Variants in ZNF571 observed in about 807,000 individuals in gnomAD.
ZNF571 encodes the protein zinc finger protein 571.
A neutral mutation model predicts 7.7 loss-of-function variants in ZNF571; 4 were observed. The observed-to-expected ratio is 0.52, with a 90% CI of 0.25 to 1.18. ZNF571 has a LOEUF of 1.18. Ranked by LOEUF, ZNF571 falls within the 50% of genes most tolerant of loss-of-function variation. The pLI is 0.14. For synonymous variants in ZNF571, 251 were observed against 232.4 expected, an observed-to-expected ratio of 1.08 and a Z score of -0.73; for missense variants, 704 against 726.9, an observed-to-expected ratio of 0.97 and a Z score of 0.36.
At chr19:37,589,864 CAAAAA>C (rs60136941) in intron 1 of ZNF571, among the ~76,000 whole-genome samples, 15 of 29,590 alleles carry the variant, frequency 5.1e-4, no homozygotes, top group African/African-American at 8.9e-4. Flanking sequence ...GACTCCATCT[CAAAAA>C]AAAAAAAAAA....
chr19:37,579,783 G>A (rs1055962770), intron 3 of ZNF571, among the ~76,000 whole-genome samples: 1 of 152,098 alleles, frequency 6.6e-6, no homozygotes, highest in Non-Finnish European at 1.5e-5. Context: ...CCCAGTACTA[G>A]CAACCAGCAT....
chr19:37,592,638 TCAG>T (rs1353914468), intron 1 of ZNF571, among the ~76,000 whole-genome samples: 1 of 152,164 alleles, frequency 6.6e-6, no homozygotes, highest in African/African-American at 2.4e-5. Context: ...AAGTGGGACA[TCAG>T]ACTGTAAGGG....
chr19:37,566,381 C>T (rs1414076461), intron 3 of ZNF571, 90 bp from the exon 4 acceptor site: 5 of 1,416,784 alleles, frequency 3.5e-6, no homozygotes, highest in African/African-American at 1.4e-5. Flanking sequence ...AAATAATTCT[C>T]ATTAAGAATA....
chr19:37,576,993 C>T (rs998563774), intron 3 of ZNF571, among the ~76,000 whole-genome samples: 1 of 152,192 alleles, frequency 6.6e-6, no homozygotes, highest in East Asian at 1.9e-4. Flanking sequence ...TCTGCAAAAC[C>T]TTAAAAGGTA....
chr19:37,583,843 T>C, intron 3 of ZNF571, 128 bp downstream of exon 3: 1 of 897,216 alleles, frequency 1.1e-6, no homozygotes, highest in East Asian at 2.5e-5. Context: ...AGGTACACGG[T>C]GGAGCTGTCC....
intron 3 of ZNF571, among the ~76,000 whole-genome samples, chr19:37,573,001 ATC>A: frequency 1.3e-5 from 2 of 152,334 alleles, no homozygotes; most frequent in East Asian, 3.8e-4. Flanking sequence ...AGCTTCTTTC[ATC>A]ACATGATTGA....
At chr19:37,588,589 C>A (rs1199369147) in intron 1 of ZNF571, among the ~76,000 whole-genome samples, 1 of 152,170 alleles carries the variant, frequency 6.6e-6, no homozygotes, top group East Asian at 1.9e-4. Context: ...AAGGAGCAAA[C>A]CTACCTACCT....
intron 3 of ZNF571, among the ~76,000 whole-genome samples, chr19:37,582,763 T>C (rs1310177377): frequency 6.6e-6 from 1 of 152,224 alleles, no homozygotes; most frequent in Non-Finnish European, 1.5e-5. Flanking sequence ...CTTCAAAATA[T>C]AGCCTGTTCT....
intron 2 of ZNF571, 83 bp downstream of exon 2, chr19:37,586,585 G>T: frequency 6.5e-7 from 1 of 1,543,836 alleles, no homozygotes; most frequent in Non-Finnish European, 8.9e-7. Flanking sequence ...ACCAAACAAG[G>T]CAGGAAATTC....
intron 3 of ZNF571, among the ~76,000 whole-genome samples, chr19:37,578,858 T>G (rs1484082780): frequency 6.6e-6 from 1 of 152,226 alleles, no homozygotes; most frequent in Non-Finnish European, 1.5e-5. Flanking sequence ...AGGTTCTGTG[T>G]TCCTCTGGGG....
chr19:37,591,241 G>A (rs1600543206), intron 1 of ZNF571, among the ~76,000 whole-genome samples: 1 of 152,324 alleles, frequency 6.6e-6, no homozygotes, highest in East Asian at 1.9e-4. Flanking sequence ...TCATTTCAGG[G>A]CTGGCACAGG....
At chr19:37,589,816 G>T (rs1252653846) in intron 1 of ZNF571, among the ~76,000 whole-genome samples, 1 of 129,528 alleles carries the variant, frequency 7.7e-6, no homozygotes, top group Non-Finnish European at 1.5e-5. Flanking sequence ...AGTGAGCCAA[G>T]ATCGCGCCAC....
chr19:37,564,728 A>G lies in ZNF571; in HGVS notation c.1700T>C (p.Phe567Ser). 6.2e-7 allele frequency: 1 copy of G among 1,613,654 alleles called. No individual in the cohort carries two copies. Residue 567 changes from phenylalanine to serine, a missense_variant, in exon 4 of 4, where the codon TTT (phenylalanine) becomes TCT (serine). By Grantham distance (155) the Phe-to-Ser change is radical. Transcript: ENST00000451802. ...PYECKECGRA[F>S]SRGSELTLHQ... is the part of the protein sequence containing the mutation. The stretch of plus-strand genomic sequence containing the variant: ...CAGAGTAAGTTCTGAGCCACGACTA[A>G]AGGCCCTCCCACATTCCTTACATTC...
intron 3 of ZNF571, among the ~76,000 whole-genome samples, chr19:37,582,785 C>A (rs1045371857): frequency 2.0e-5 from 3 of 152,200 alleles, no homozygotes; most frequent in Non-Finnish European, 4.4e-5. Context: ...ATCACCTCCA[C>A]ATATTAAACC....
intron 1 of ZNF571, chr19:37,594,304 C>T (rs2043952342): frequency 1.3e-5 from 2 of 152,268 alleles, no homozygotes. Flanking sequence ...TACTGCGGCC[C>T]GGGAGGGGCC....
chr19:37,580,659 C>G (rs935412060), intron 3 of ZNF571, among the ~76,000 whole-genome samples: 3 of 152,160 alleles, frequency 2.0e-5, no homozygotes, highest in Non-Finnish European at 1.5e-5. Context: ...TCAAGGGTGA[C>G]TGAGCTCTCG....
chr19:37,583,680 G>C (rs543576600), intron 3 of ZNF571: 7 of 225,006 alleles, frequency 3.1e-5, no homozygotes, highest in Non-Finnish European at 5.3e-5. Context: ...ATTTGGCTTA[G>C]GGACTGCACA....
At position 37,564,954 on chromosome 19, in the gene ZNF571, G is replaced by C. The variant is rs1239412209; in HGVS notation, c.1474C>G (p.His492Asp). Reference sequence around the variant, plus strand: ...TTTTCACCTGTATGAATTCTTTGATGATATGTAAGTTGTGTAGCACGTACA... The same window carrying C: ...TTTTCACCTGTATGAATTCTTTGATCATATGTAAGTTGTGTAGCACGTACA... ...TFVRATQLTY[H>D]QRIHTGEKPY... The change falls in exon 4 of 4, where the codon CAT (histidine) becomes GAT (aspartate). Residue 492 changes from histidine to aspartate, a missense_variant. His to Asp is a moderately conservative substitution (Grantham distance 81). Coordinates refer to ENST00000451802, the MANE Select transcript of ZNF571 (RefSeq NM_016536.5). The C allele has an allele frequency of 3.1e-6, 5 of 1,613,836 alleles. No individual in the cohort carries two copies. The East Asian group carries it at 8.9e-5, about 29-fold the overall frequency.
At chr19:37,577,452 G>C (rs2043281715) in intron 3 of ZNF571, among the ~76,000 whole-genome samples, 1 of 152,012 alleles carries the variant, frequency 6.6e-6, no homozygotes, top group Non-Finnish European at 1.5e-5. Flanking sequence ...ATAGGAGAAG[G>C]GAATTTCTTC....
Sources: allele counts gnomAD v4.1 joint callset (sites outside exome capture counted in the v4.1 genomes callset), GRCh38; gene constraint gnomAD v4.1.1; transcripts MANE v1.5; gene names NCBI Gene and HGNC (gene_info 2026-07-23, HGNC 2026-07-21).